CNRIP1: variants seen among roughly 807,000 people sequenced by gnomAD.
The protein encoded by CNRIP1 is cannabinoid receptor interacting protein 1, also known as CB1 cannabinoid receptor-interacting protein 1.
Under a neutral mutation model 15.2 loss-of-function variants are expected in CNRIP1, and 10 were observed. The observed-to-expected ratio is 0.66, with a 90% CI of 0.41 to 1.12. The LOEUF is 1.12. CNRIP1 is among the 50% of genes most tolerant of loss of function. The pLI is 0.00. For synonymous variants in CNRIP1, 91 were observed against 83.2 expected (o/e 1.09, Z -0.51); for missense variants, 211 against 214.7 (o/e 0.98, Z 0.11).
chr2:68,306,705 TG>T (rs922099018), intron 2 of CNRIP1, among the ~76,000 whole-genome samples: 1 of 151,086 alleles, frequency 6.6e-6, no homozygotes, highest in Non-Finnish European at 1.5e-5. Flanking sequence ...CGCTTGAACC[TG>T]GGAAGTGGAG....
At chr2:68,306,122 TA>T (rs1671832862) in intron 2 of CNRIP1, among the ~76,000 whole-genome samples, 1 of 3,950 alleles carries the variant, frequency 2.5e-4, no homozygotes, top group Non-Finnish European at 3.8e-4. Context: ...ACCCCACCTC[TA>T]CAAAAAAAAA....
downstream of CNRIP1, among the ~76,000 whole-genome samples, chr2:68,290,909 T>C (rs1353679693): frequency 3.9e-5 from 6 of 152,220 alleles, no homozygotes; most frequent in Admixed American, 1.3e-4. Flanking sequence ...ATCATCATAA[T>C]TGGAAGGATG....
chr2:68,292,912 C>T (rs1671213721), downstream of CNRIP1: 2 of 572,682 alleles, frequency 3.5e-6, no homozygotes, highest in African/African-American at 2.0e-5. Context: ...GATACATCCC[C>T]GTCATCCTGT....
At chr2:68,294,988 TG>T (rs1671295321) in intron 2 of CNRIP1, among the ~76,000 whole-genome samples, 1 of 152,226 alleles carries the variant, frequency 6.6e-6, no homozygotes, top group Non-Finnish European at 1.5e-5. Flanking sequence ...TGGAGGCCAC[TG>T]GGCAGATGCT....
At chr2:68,310,059 G>T (rs1005374968) in intron 2 of CNRIP1, among the ~76,000 whole-genome samples, 2 of 152,190 alleles carry the variant, frequency 1.3e-5, no homozygotes, top group Non-Finnish European at 2.9e-5. Context: ...CAGGCACGGT[G>T]GCTCACTCCT....
chr2:68,293,208 A>G lies in CNRIP1; in HGVS notation c.*654T>C, dbSNP rs745448459. The stretch of plus-strand genomic sequence containing the variant: ...ACAGCAATGCTTTTCCCCCATTTCT[A>G]CTAGGCTAGGCCATTGCACAATACC... On this transcript the variant is annotated 3_prime_UTR_variant, in exon 3 of 3. Coordinates refer to ENST00000263655, the MANE Select transcript of CNRIP1 (RefSeq NM_015463.3). The G allele has an allele frequency of 1.4e-4, 134 of 985,378 alleles. No homozygotes were observed. Among genetic ancestry groups the G allele is most frequent in the Admixed American group, 6.1e-4 (10 of 16,272 alleles). The allele number at this position is 985,378 out of a possible 1,614,324, so 61.0% of individuals were successfully genotyped here.
At chr2:68,297,910 A>G (rs1671439734) in intron 2 of CNRIP1, among the ~76,000 whole-genome samples, 1 of 152,190 alleles carries the variant, frequency 6.6e-6, no homozygotes, top group Non-Finnish European at 1.5e-5. Context: ...GTATAGAAAA[A>G]ATGAAAAATA....
At chr2:68,299,206 ACTG>A (rs1671507106) in intron 2 of CNRIP1, among the ~76,000 whole-genome samples, 1 of 152,112 alleles carries the variant, frequency 6.6e-6, no homozygotes, top group South Asian at 2.1e-4. Flanking sequence ...ACTGTACAAA[ACTG>A]CTGATATAAA....
intron 2 of CNRIP1, among the ~76,000 whole-genome samples, chr2:68,296,768 G>T (rs757678473): frequency 1.3e-5 from 2 of 152,122 alleles, no homozygotes; most frequent in Non-Finnish European, 2.9e-5. Context: ...CTCCTGAGTA[G>T]CTGGGATTAC....
At chr2:68,312,486 A>G (rs527761341) in intron 2 of CNRIP1, among the ~76,000 whole-genome samples, 42 of 152,328 alleles carry the variant, frequency 2.8e-4, no homozygotes, top group African/African-American at 9.6e-4. Context: ...AAGATTTACA[A>G]TAAAGAACCT....
At chr2:68,318,792 C>T (rs945214319) in intron 1 of CNRIP1, among the ~76,000 whole-genome samples, 4 of 152,228 alleles carry the variant, frequency 2.6e-5, no homozygotes, top group Non-Finnish European at 1.5e-5. Flanking sequence ...CCTCCTTCAG[C>T]CTTGCGGGCA....
chr2:68,316,800 T>A, intron 2 of CNRIP1: 1 of 510,928 alleles, frequency 2.0e-6, no homozygotes, highest in Non-Finnish European at 3.5e-6. Flanking sequence ...ATCAGCTTTC[T>A]CTTAACCAGA....
intron 2 of CNRIP1, among the ~76,000 whole-genome samples, chr2:68,314,530 A>T (rs1454236018): frequency 6.6e-6 from 1 of 152,026 alleles, no homozygotes; most frequent in African/African-American, 2.4e-5. Flanking sequence ...ACAATGCAAT[A>T]TGACCAGGAA....
intron 2 of CNRIP1, among the ~76,000 whole-genome samples, chr2:68,307,455 G>A (rs1469087397): frequency 6.6e-6 from 1 of 152,164 alleles, no homozygotes; most frequent in African/African-American, 2.4e-5. Context: ...TGGAGTAGCT[G>A]AGACTACAGG....
At chr2:68,313,260 C>G (rs1470515872) in intron 2 of CNRIP1, among the ~76,000 whole-genome samples, 3 of 152,070 alleles carry the variant, frequency 2.0e-5, no homozygotes, top group Non-Finnish European at 4.4e-5. Context: ...CAAAATGGTA[C>G]AACAGTGTGG....
rs1209273728 is a variant in CNRIP1, at chr2:68,293,453, C to T, written c.*409G>A. Reference sequence around the variant, plus strand: ...CATATTACACATGGGAGGACCCATACACATTGTTATTTTTAAATTTAACAT... The same window carrying T: ...CATATTACACATGGGAGGACCCATATACATTGTTATTTTTAAATTTAACAT... On this transcript the variant is annotated 3_prime_UTR_variant, in exon 3 of 3. Transcript: ENST00000263655. 1.0e-6 allele frequency: 1 copy of T among 998,810 alleles called. No homozygotes were observed. Among genetic ancestry groups the T allele is most frequent in the Non-Finnish European group, 1.2e-6 (1 of 837,186 alleles). The allele number at this position is 998,810 out of a possible 1,614,324, so 61.9% of individuals were successfully genotyped here. A position where few individuals can be genotyped will look rare whatever the true frequency, so the allele number is the denominator to read the frequency against.
chr2:68,302,138 T>C (rs1671635140), intron 2 of CNRIP1, among the ~76,000 whole-genome samples: 1 of 152,220 alleles, frequency 6.6e-6, no homozygotes, highest in African/African-American at 2.4e-5. Context: ...TGTATTTCTT[T>C]TATAAATTGC....
chr2:68,317,079 A>G (rs759716566), intron 2 of CNRIP1, 78 bp downstream of exon 2: 2 of 1,553,216 alleles, frequency 1.3e-6, no homozygotes, highest in Non-Finnish European at 1.8e-6. Flanking sequence ...TTTCTTACAG[A>G]GAGATAGTGA....
At chr2:68,303,723 A>C (rs1422834602) in intron 2 of CNRIP1, among the ~76,000 whole-genome samples, 1 of 152,256 alleles carries the variant, frequency 6.6e-6, no homozygotes, top group African/African-American at 2.4e-5. Flanking sequence ...AGACTTAGTC[A>C]TTAAAACAAA....
Sources: gnomAD v4.1 joint callset for allele counts (sites outside exome capture counted in the v4.1 genomes callset) on GRCh38, gnomAD v4.1.1 for gene constraint, MANE v1.5 for transcripts, NCBI Gene and HGNC (gene_info 2026-07-23, HGNC 2026-07-21) for gene names.